The following MBD5 variants were observed in gnomAD, a reference collection of about 807,000 sequenced individuals.
MBD5 encodes methyl-CpG binding domain protein 5.
MBD5 carries 13 observed loss-of-function variants against 117.3 expected under a neutral mutation model. The ratio of observed to expected loss-of-function variants is 0.11; its 90% confidence interval spans 0.07 to 0.18. The LOEUF (loss-of-function observed/expected upper bound fraction) is 0.18. Among genes scored for constraint, MBD5 ranks in the 10% least tolerant of loss-of-function variants. MBD5 has a pLI of 1.00. For missense variants in MBD5, 1,879 were observed against 2,093.8 expected (o/e 0.90, Z 2.00); for synonymous variants, 727 against 766.4 (o/e 0.95, Z 0.85).
intron 1 of MBD5, among the ~76,000 whole-genome samples, chr2:148,164,869 C>G (rs574269590): frequency 6.6e-6 from 1 of 152,264 alleles, no homozygotes; most frequent in South Asian, 2.1e-4. Flanking sequence ...TGAGGGCCTT[C>G]TTGCCTTTAT....
At chr2:148,036,777 G>A (rs933993752) in intron 1 of MBD5, among the ~76,000 whole-genome samples, 3 of 151,900 alleles carry the variant, frequency 2.0e-5, no homozygotes, top group Admixed American at 6.6e-5. Context: ...GAGCAATGAG[G>A]TTTTGAACAG....
At chr2:148,442,827 A>C (rs1706368821) in intron 4 of MBD5, among the ~76,000 whole-genome samples, 1 of 151,446 alleles carries the variant, frequency 6.6e-6, no homozygotes, top group Non-Finnish European at 1.5e-5. Context: ...ACTCTGCAGG[A>C]CATTGGAGTG....
chr2:148,357,420 G>A (rs901350827), intron 4 of MBD5, among the ~76,000 whole-genome samples: 2 of 150,976 alleles, frequency 1.3e-5, no homozygotes, highest in Non-Finnish European at 2.9e-5. Context: ...TTTGTCCTTT[G>A]TAGGTCATCT....
chr2:148,046,225 G>T (rs916685831), intron 1 of MBD5, among the ~76,000 whole-genome samples: 1 of 151,796 alleles, frequency 6.6e-6, no homozygotes, highest in Admixed American at 6.6e-5. Flanking sequence ...CTTGTGATCC[G>T]CCCACCTTGG....
chr2:148,237,283 C>T (rs1004410663), intron 3 of MBD5, among the ~76,000 whole-genome samples: 86 of 152,196 alleles, frequency 5.7e-4, no homozygotes, highest in African/African-American at 1.9e-3. Flanking sequence ...AACTGTTGGG[C>T]GCAAGATGCC....
chr2:148,234,028 C>G (rs2106154818), intron 3 of MBD5, among the ~76,000 whole-genome samples: 1 of 152,186 alleles, frequency 6.6e-6, no homozygotes, highest in South Asian at 2.1e-4. Context: ...ATGCCACCTT[C>G]AAATTTCAAA....
At chr2:148,264,682 G>T (rs1192299932) in intron 3 of MBD5, 1 of 152,166 alleles carries the variant, frequency 6.6e-6, no homozygotes, top group African/African-American at 2.4e-5. Context: ...TAAGAAACTG[G>T]TAGAAATGAA....
chr2:148,113,013 A>C (rs1249670281), intron 1 of MBD5, among the ~76,000 whole-genome samples: 1 of 152,192 alleles, frequency 6.6e-6, no homozygotes, highest in Admixed American at 6.5e-5. Context: ...AAATCAATGA[A>C]TAAATAAATA....
chr2:148,309,493 T>G (rs1701976122), intron 3 of MBD5, among the ~76,000 whole-genome samples: 1 of 152,204 alleles, frequency 6.6e-6, no homozygotes, highest in Non-Finnish European at 1.5e-5. Flanking sequence ...ATGTTGACTT[T>G]GTATCCTGAC....
At chr2:148,272,087 G>A (rs1038904396) in intron 3 of MBD5, among the ~76,000 whole-genome samples, 1 of 152,040 alleles carries the variant, frequency 6.6e-6, no homozygotes, top group African/African-American at 2.4e-5. Context: ...ATTCCTCCAG[G>A]TTCATCCATG....
chr2:148,513,815 C>G lies in MBD5; in HGVS notation c.*874C>G, dbSNP rs1216899183. 2.6e-5 allele frequency: 4 copies of G among 152,158 alleles called. No homozygotes were observed. Among genetic ancestry groups the G allele is most frequent in the African/African-American group, 7.2e-5 (3 of 41,432 alleles). 9.4% of individuals were successfully genotyped at this position (152,158 alleles called of 1,614,324 possible). A position where few individuals can be genotyped will look rare whatever the true frequency, so the allele number is the denominator to read the frequency against. On this transcript the variant is annotated 3_prime_UTR_variant, in exon 14 of 14. Transcript: ENST00000642680. ...TTCTGTAGTTAACATTTGATAGCCA[C>G]CTGTTGAAGCAGATAGCTTATACTG...
At chr2:148,069,096 AG>A (rs1159259265) in intron 1 of MBD5, among the ~76,000 whole-genome samples, 3 of 152,208 alleles carry the variant, frequency 2.0e-5, no homozygotes, top group Non-Finnish European at 4.4e-5. Flanking sequence ...TGGATACATG[AG>A]AAAAAAAATT....
At chr2:148,246,506 C>T (rs1404993390) in intron 3 of MBD5, among the ~76,000 whole-genome samples, 1 of 152,128 alleles carries the variant, frequency 6.6e-6, no homozygotes, top group African/African-American at 2.4e-5. Context: ...CACGGTGGCT[C>T]ATGCCTGTAA....
chr2:148,081,178 T>A (rs757556238), intron 1 of MBD5, among the ~76,000 whole-genome samples: 1 of 152,090 alleles, frequency 6.6e-6, no homozygotes, highest in African/African-American at 2.4e-5. Flanking sequence ...TGTAAAAGGG[T>A]CTAAATAAAT....
At chr2:148,119,360 G>A (rs1696711744) in intron 1 of MBD5, among the ~76,000 whole-genome samples, 1 of 151,872 alleles carries the variant, frequency 6.6e-6, no homozygotes, top group Non-Finnish European at 1.5e-5. Flanking sequence ...TAATTGAATT[G>A]TCTTTTTATT....
At chr2:148,031,634 A>G (rs1694042819) in intron 1 of MBD5, among the ~76,000 whole-genome samples, 1 of 152,116 alleles carries the variant, frequency 6.6e-6, no homozygotes, top group African/African-American at 2.4e-5. Flanking sequence ...TAGTTTCGAA[A>G]AGAAAGAAGT....
chr2:148,150,578 G>A (rs1460088200), intron 1 of MBD5, among the ~76,000 whole-genome samples: 1 of 152,046 alleles, frequency 6.6e-6, no homozygotes, highest in African/African-American at 2.4e-5. Context: ...CATGAGCATG[G>A]AATGTTCTTC....
chr2:148,228,932 A>T (rs1166245403), intron 2 of MBD5, among the ~76,000 whole-genome samples: 1 of 152,110 alleles, frequency 6.6e-6, no homozygotes, highest in Non-Finnish European at 1.5e-5. Context: ...GGTAGTTTGT[A>T]TTTCTGTGGG....
At chr2:148,089,305 A>T (rs1574001114) in intron 1 of MBD5, among the ~76,000 whole-genome samples, 1 of 152,108 alleles carries the variant, frequency 6.6e-6, no homozygotes, top group East Asian at 1.9e-4. Context: ...ATCAAGACGG[A>T]ATGTCAACAA....
Sources: gnomAD v4.1 joint callset for allele counts (sites outside exome capture counted in the v4.1 genomes callset) on GRCh38, gnomAD v4.1.1 for gene constraint, MANE v1.5 for transcripts, NCBI Gene and HGNC (gene_info 2026-07-23, HGNC 2026-07-21) for gene names.